SORCS1: variants seen among roughly 807,000 people sequenced by gnomAD.
The protein encoded by SORCS1 is VPS10 domain-containing receptor SorCS1.
In SORCS1, 60 loss-of-function variants were observed where a neutral mutation model predicts 146.1. The observed-to-expected ratio is 0.41, with a 90% CI of 0.33 to 0.51. The LOEUF (loss-of-function observed/expected upper bound fraction) is 0.51. Among genes scored for constraint, SORCS1 ranks in the 20% least tolerant of loss-of-function variants. SORCS1 has a pLI of 0.21. For missense variants in SORCS1, 1,352 were observed against 1,487.6 expected (o/e 0.91, Z 1.50); for synonymous variants, 637 against 584.0 (o/e 1.09, Z -1.31).
chr10:107,073,096 C>T (rs555804792), intron 1 of SORCS1, among the ~76,000 whole-genome samples: 9 of 152,252 alleles, frequency 5.9e-5, no homozygotes, highest in African/African-American at 1.4e-4. Flanking sequence ...CAATGAGCTA[C>T]GGCTTCAATT....
intron 8 of SORCS1, 121 bp downstream of exon 8, chr10:106,706,424 G>A (rs1281154905): frequency 1.4e-5 from 13 of 930,334 alleles, no homozygotes; most frequent in Middle Eastern, 2.2e-4. Flanking sequence ...GGGAAACAGA[G>A]ATGAGAGATG....
intron 1 of SORCS1, among the ~76,000 whole-genome samples, chr10:107,082,836 G>A (rs139738200): frequency 6.6e-6 from 1 of 151,946 alleles, no homozygotes; most frequent in South Asian, 2.1e-4. Context: ...CCAAGAGCTG[G>A]ATTTCTTGAT....
In SORCS1 at chr10:106,607,308, G is replaced by C. The variant is rs954093882; in HGVS notation, c.3034-11C>G. On this transcript the variant is annotated splice_polypyrimidine_tract_variant and intron_variant, in intron 22 of 25. Coordinates refer to ENST00000263054, the MANE Select transcript of SORCS1 (RefSeq NM_052918.5). Reference sequence around the variant, plus strand: ...TGGAACCCCTGTGGCCTGAGGGACAGACACAGGGGCTCACATTAGTGCTGC... The same window carrying C: ...TGGAACCCCTGTGGCCTGAGGGACACACACAGGGGCTCACATTAGTGCTGC... 6.2e-7 allele frequency: 1 copy of C among 1,613,682 alleles called. No individual in the cohort carries two copies. Among genetic ancestry groups the C allele is most frequent in the Non-Finnish European group, 8.5e-7 (1 of 1,179,868 alleles).
chr10:106,755,514 A>C (rs1416384506), intron 5 of SORCS1, among the ~76,000 whole-genome samples: 1 of 151,952 alleles, frequency 6.6e-6, no homozygotes, highest in East Asian at 1.9e-4. Flanking sequence ...TCCTTATGAC[A>C]CTCAGTTCTC....
At chr10:106,876,262 G>C (rs1045470509) in intron 2 of SORCS1, among the ~76,000 whole-genome samples, 1 of 151,980 alleles carries the variant, frequency 6.6e-6, no homozygotes, top group Non-Finnish European at 1.5e-5. Flanking sequence ...CATTATTTGT[G>C]CTTTATTATT....
intron 18 of SORCS1, among the ~76,000 whole-genome samples, chr10:106,640,161 A>G (rs1848980323): frequency 6.6e-6 from 1 of 152,232 alleles, no homozygotes; most frequent in Admixed American, 6.5e-5. Context: ...ACAAGTGAGT[A>G]TCTTGAAGAA....
In SORCS1 at chr10:106,702,485, C is replaced by T. The variant is rs184743082; in HGVS notation, c.1234-3092G>A. Among the ~76,000 whole-genome samples, 50 of 152,302 alleles carry T rather than the reference C, an allele frequency of 3.3e-4. No individual in the cohort carries two copies. The East Asian group carries it at 7.9e-3, about 24-fold the overall frequency. ...AGTGCATCACCTATACCGGCCACTT[C>T]TCCCAAGACTTTATTTTGTAGATTT... On this transcript the variant is annotated intron_variant, in intron 8 of 25. Transcript: ENST00000263054.
At chr10:106,990,275 A>G (rs1181246865) in intron 1 of SORCS1, among the ~76,000 whole-genome samples, 2 of 151,702 alleles carry the variant, frequency 1.3e-5, no homozygotes, top group Non-Finnish European at 2.9e-5. Context: ...TGCTATTTCA[A>G]ATTTTTCTTT....
chr10:107,087,022 C>G (rs7909686), intron 1 of SORCS1, among the ~76,000 whole-genome samples: 170 of 152,270 alleles, frequency 1.1e-3, no homozygotes, highest in African/African-American at 3.7e-3. Flanking sequence ...AGCGTGACTT[C>G]GTCTCAAAAC....
At chr10:106,600,791 AC>A in intron 23 of SORCS1, 2 of 821,070 alleles carry the variant, frequency 2.4e-6, no homozygotes, top group Non-Finnish European at 2.9e-6. Flanking sequence ...GCTTTGTTTG[AC>A]TCCTAATCCT....
At chr10:106,888,833 G>C (rs950628527) in intron 2 of SORCS1, among the ~76,000 whole-genome samples, 1 of 152,202 alleles carries the variant, frequency 6.6e-6, no homozygotes, top group Non-Finnish European at 1.5e-5. Flanking sequence ...TCCAAACATT[G>C]TGCCAGCCAC....
chr10:106,876,526 T>G (rs528118704), intron 2 of SORCS1, among the ~76,000 whole-genome samples: 1 of 152,182 alleles, frequency 6.6e-6, no homozygotes, highest in African/African-American at 2.4e-5. Context: ...GCCAGTCTGG[T>G]TGCTCTAGGG....
chr10:106,973,192 A>G (rs979990192), intron 1 of SORCS1, among the ~76,000 whole-genome samples: 1 of 152,196 alleles, frequency 6.6e-6, no homozygotes, highest in African/African-American at 2.4e-5. Context: ...AGACTTTCCT[A>G]AACTGAAAAT....
chr10:106,879,577 A>G (rs1390883635), intron 2 of SORCS1, among the ~76,000 whole-genome samples: 2 of 152,228 alleles, frequency 1.3e-5, no homozygotes, highest in Non-Finnish European at 1.5e-5. Flanking sequence ...CCTTAAAATC[A>G]GGAGATTATC....
intron 3 of SORCS1, among the ~76,000 whole-genome samples, chr10:106,811,186 C>T (rs946589902): frequency 1.3e-5 from 2 of 152,132 alleles, no homozygotes; most frequent in African/African-American, 4.8e-5. Context: ...GATCCACCCA[C>T]CTCGGCCTCC....
intron 17 of SORCS1, chr10:106,667,159 T>G (rs1330250390): frequency 6.5e-6 from 1 of 152,676 alleles, no homozygotes; most frequent in African/African-American, 2.4e-5. Flanking sequence ...AATACCAAAT[T>G]TCAGAATGTG....
intron 10 of SORCS1, among the ~76,000 whole-genome samples, chr10:106,681,830 C>T (rs1852455187): frequency 6.6e-6 from 1 of 152,074 alleles, no homozygotes; most frequent in African/African-American, 2.4e-5. Flanking sequence ...GTTGCCATTA[C>T]AAAAGAAAGA....
chr10:106,861,459 A>G (rs1278688427), intron 2 of SORCS1, among the ~76,000 whole-genome samples: 10 of 152,144 alleles, frequency 6.6e-5, no homozygotes, highest in South Asian at 4.2e-4. Flanking sequence ...AATGAAGTCA[A>G]TGTTACTTGG....
chr10:106,854,855 G>A (rs745916158), intron 2 of SORCS1, among the ~76,000 whole-genome samples: 12 of 152,048 alleles, frequency 7.9e-5, no homozygotes, highest in Admixed American at 3.3e-4. Context: ...ATGAGCATAC[G>A]TAATTGAATA....
Sources: gnomAD v4.1 joint callset for allele counts (sites outside exome capture counted in the v4.1 genomes callset) on GRCh38, gnomAD v4.1.1 for gene constraint, MANE v1.5 for transcripts, NCBI Gene and HGNC (gene_info 2026-07-23, HGNC 2026-07-21) for gene names.